Variants in RARB observed in about 807,000 individuals in gnomAD.
RARB encodes retinoic acid receptor beta.
In RARB, 17 loss-of-function variants were observed where a neutral mutation model predicts 51.9. That is an observed-to-expected ratio of 0.33 (90% CI 0.22 to 0.49). The LOEUF (loss-of-function observed/expected upper bound fraction) is 0.49. Among genes scored for constraint, RARB ranks in the 20% least tolerant of loss-of-function variants. The pLI is 0.99. For missense variants in RARB, 369 were observed against 550.8 expected (o/e 0.67, Z 3.30); for synonymous variants, 215 against 195.4 (o/e 1.10, Z -0.84).
chr3:25,206,248 G>A (rs1459955950), intron 5 of RARB, among the ~76,000 whole-genome samples: 1 of 152,156 alleles, frequency 6.6e-6, no homozygotes, highest in Non-Finnish European at 1.5e-5. Flanking sequence ...GTTTAAAACA[G>A]CTTTTAAAAT....
chr3:24,933,359 G>A (rs1695481600), intron 2 of RARB, among the ~76,000 whole-genome samples: 1 of 151,868 alleles, frequency 6.6e-6, no homozygotes, highest in African/African-American at 2.4e-5. Flanking sequence ...CTTCTATACT[G>A]TTTTTCTAAG....
chr3:24,979,950 G>A (rs1696606869), intron 2 of RARB, among the ~76,000 whole-genome samples: 1 of 152,148 alleles, frequency 6.6e-6, no homozygotes, highest in Non-Finnish European at 1.5e-5. Context: ...AGGAGCTCTT[G>A]TAAGGCAGGC....
intron 5 of RARB, among the ~76,000 whole-genome samples, chr3:25,390,386 A>T (rs1302728024): frequency 6.6e-6 from 1 of 152,170 alleles, no homozygotes; most frequent in East Asian, 1.9e-4. Flanking sequence ...CGGACACTGG[A>T]TCTGCCAACA....
intron 2 of RARB, among the ~76,000 whole-genome samples, chr3:25,024,810 G>A (rs1007233123): frequency 2.6e-5 from 4 of 151,864 alleles, no homozygotes; most frequent in Admixed American, 6.6e-5. Flanking sequence ...AAAATTGGCT[G>A]GGCGTGGTGA....
intron 2 of RARB, among the ~76,000 whole-genome samples, chr3:24,902,897 C>T (rs924618615): frequency 4.6e-5 from 7 of 152,012 alleles, no homozygotes; most frequent in African/African-American, 9.7e-5. Context: ...ATATAAAGTA[C>T]ATAGTAAGAT....
At chr3:24,962,532 C>G (rs1276481788) in intron 2 of RARB, among the ~76,000 whole-genome samples, 1 of 152,196 alleles carries the variant, frequency 6.6e-6, no homozygotes, top group African/African-American at 2.4e-5. Context: ...AGTCCATGGC[C>G]TTTAGGAACT....
intron 5 of RARB, among the ~76,000 whole-genome samples, chr3:25,203,013 C>G (rs1297020185): frequency 6.6e-6 from 1 of 152,190 alleles, no homozygotes; most frequent in Non-Finnish European, 1.5e-5. Flanking sequence ...TCTCATTGAT[C>G]TGTCTAATGC....
chr3:25,253,014 AGTAT>A (rs1702768031), intron 5 of RARB, among the ~76,000 whole-genome samples: 1 of 152,174 alleles, frequency 6.6e-6, no homozygotes, highest in African/African-American at 2.4e-5. Context: ...TCTGTGACTA[AGTAT>A]GTAAGTTAAG....
At chr3:24,870,702 G>A (rs2125348891) in intron 2 of RARB, among the ~76,000 whole-genome samples, 1 of 152,086 alleles carries the variant, frequency 6.6e-6, no homozygotes, top group East Asian at 1.9e-4. Flanking sequence ...GTGGAGGTGT[G>A]GATGAGTACT....
chr3:24,865,622 T>C (rs1702833044), intron 2 of RARB, among the ~76,000 whole-genome samples: 2 of 152,182 alleles, frequency 1.3e-5, no homozygotes, highest in East Asian at 3.8e-4. Flanking sequence ...TTTTCTTATA[T>C]TTATTATAAC....
At chr3:24,861,949 C>T (rs1702756657) in intron 2 of RARB, among the ~76,000 whole-genome samples, 1 of 152,210 alleles carries the variant, frequency 6.6e-6, no homozygotes, top group South Asian at 2.1e-4. Flanking sequence ...ATAATTCCTT[C>T]CATGTAAGTG....
At chr3:25,247,196 G>A (rs959734747) in intron 5 of RARB, among the ~76,000 whole-genome samples, 4 of 152,224 alleles carry the variant, frequency 2.6e-5, no homozygotes, top group African/African-American at 9.6e-5. Flanking sequence ...ATCCCAGGTC[G>A]ATTTTAGAGT....
At chr3:24,974,085 G>C (rs1330439676) in intron 2 of RARB, among the ~76,000 whole-genome samples, 4 of 151,942 alleles carry the variant, frequency 2.6e-5, no homozygotes, top group African/African-American at 9.7e-5. Context: ...GTGGCTGTAG[G>C]TTTGTCATAT....
rs1405431278 is a variant in RARB at position 25,461,474 on chromosome 3, C to T, written c.306+133C>T. On this transcript the variant is annotated intron_variant, in intron 2 of 7. Transcript: ENST00000330688. ...TAAGTGTGGTGAATTCAGTTATATTCAGTGGTTTTTATTACTTCCTTATAT... is the reference window on the plus strand; with the variant it reads ...TAAGTGTGGTGAATTCAGTTATATTTAGTGGTTTTTATTACTTCCTTATAT... 1.2e-5 allele frequency: 13 copies of T among 1,085,312 alleles called. No homozygotes were observed. The South Asian group carries it at 1.3e-4, about 11-fold the overall frequency. 67.2% of individuals were successfully genotyped at this position (1,085,312 alleles called of 1,614,324 possible).
At chr3:24,845,201 C>A (rs1702471509) in intron 1 of RARB, among the ~76,000 whole-genome samples, 2 of 152,052 alleles carry the variant, frequency 1.3e-5, no homozygotes, top group Non-Finnish European at 2.9e-5. Context: ...TGGCATAAAG[C>A]AGATTTGTAG....
intron 1 of RARB, among the ~76,000 whole-genome samples, chr3:25,451,131 A>G (rs561897979): frequency 6.6e-6 from 1 of 152,276 alleles, no homozygotes; most frequent in East Asian, 1.9e-4. Context: ...GCCCTAGATT[A>G]AGGAAGGTGG....
At chr3:25,407,200 A>T (rs561946148) in intron 5 of RARB, among the ~76,000 whole-genome samples, 2 of 152,284 alleles carry the variant, frequency 1.3e-5, no homozygotes, top group South Asian at 4.2e-4. Flanking sequence ...TATGTTCCTC[A>T]ACAGAACCTA....
chr3:24,875,471 C>T (rs565366116), intron 2 of RARB, among the ~76,000 whole-genome samples: 3 of 152,236 alleles, frequency 2.0e-5, no homozygotes, highest in East Asian at 3.9e-4. Flanking sequence ...GGAATAATTA[C>T]AGCACTTACC....
chr3:24,844,929 A>ATGG (rs1318429556), intron 1 of RARB, among the ~76,000 whole-genome samples: 2 of 152,280 alleles, frequency 1.3e-5, no homozygotes, highest in East Asian at 3.9e-4. Flanking sequence ...TCTTGGAAAT[A>ATGG]TGGTGAAATC....
Sources: gnomAD v4.1 joint callset for allele counts (sites outside exome capture counted in the v4.1 genomes callset) on GRCh38, gnomAD v4.1.1 for gene constraint, MANE v1.5 for transcripts, NCBI Gene and HGNC (gene_info 2026-07-23, HGNC 2026-07-21) for gene names.